ADGRE3: variants seen among roughly 807,000 people sequenced by gnomAD.
ADGRE3 encodes EGF-like module receptor 3.
In ADGRE3, 88 loss-of-function variants were observed where a neutral mutation model predicts 80.1. The ratio of observed to expected loss-of-function variants is 1.10; its 90% CI spans 0.93 to 1.31. The LOEUF (loss-of-function observed/expected upper bound fraction) is 1.31. ADGRE3 is among the 40% of genes most tolerant of loss of function. The pLI, the probability that ADGRE3 is intolerant of heterozygous loss-of-function variation, is 0.00. For missense variants in ADGRE3, 715 were observed against 776.5 expected (o/e 0.92, Z 0.94); for synonymous variants, 281 against 294.8 (o/e 0.95, Z 0.48).
chr19:14,636,106 CTT>C (rs1236326861), intron 11 of ADGRE3, among the ~76,000 whole-genome samples: 7 of 36,584 alleles, frequency 1.9e-4, no homozygotes, highest in African/African-American at 6.8e-4. Context: ...TTCTTTCTTT[CTT>C]TCTTTCTTTC....
rs139866211 is a variant in ADGRE3 at position 14,627,233 on chromosome 19, G to A, written c.1813-1634C>T. Among the ~76,000 whole-genome samples, 16 of 152,144 alleles carry A rather than the reference G, an allele frequency of 1.1e-4. No homozygotes were observed. The East Asian group carries it at 2.9e-3, about 27-fold the overall frequency. ...TTCCCCAGACATTGCTAACTGTCCC[G>A]TGGTGGGAACACAATTGCTCCTGGT... is the stretch of plus-strand genomic sequence containing the variant. On this transcript the variant is annotated intron_variant, in intron 14 of 15. Transcript: ENST00000253673.
At chr19:14,650,327 T>G (rs1971554927) in intron 7 of ADGRE3, among the ~76,000 whole-genome samples, 1 of 146,498 alleles carries the variant, frequency 6.8e-6, no homozygotes, top group Non-Finnish European at 1.5e-5. Context: ...TCTTTCTCTT[T>G]CCATCTCTTT....
At chr19:14,653,221 G>A (rs977749355) in intron 6 of ADGRE3, among the ~76,000 whole-genome samples, 1 of 151,756 alleles carries the variant, frequency 6.6e-6, no homozygotes, top group Non-Finnish European at 1.5e-5. Context: ...CAAGTGATCC[G>A]CCTGCCTTAG....
chr19:14,641,116 T>C (rs1971235072), intron 10 of ADGRE3, among the ~76,000 whole-genome samples: 1 of 152,156 alleles, frequency 6.6e-6, no homozygotes, highest in Non-Finnish European at 1.5e-5. Flanking sequence ...CTTCAAAAAT[T>C]CATCATTCTT....
At chr19:14,657,678 C>G (rs1450930858) in intron 5 of ADGRE3, among the ~76,000 whole-genome samples, 2 of 151,862 alleles carry the variant, frequency 1.3e-5, no homozygotes, top group Non-Finnish European at 2.9e-5. Context: ...GGAACTCACT[C>G]ATGAAAAGTC....
chr19:14,609,447 G>C, the ADGRE3 span, among the ~76,000 whole-genome samples: 2 of 152,148 alleles, frequency 1.3e-5, no homozygotes, highest in Non-Finnish European at 2.9e-5. Flanking sequence ...CTTTAAGCAA[G>C]AGCCCACATG....
At chr19:14,609,224 C>G in the ADGRE3 span, among the ~76,000 whole-genome samples, 1 of 152,140 alleles carries the variant, frequency 6.6e-6, no homozygotes, top group Non-Finnish European at 1.5e-5. Context: ...CGGTGACAGC[C>G]TAAGAGAAGC....
chr19:14,660,317 C>G (rs1484387515), intron 4 of ADGRE3, among the ~76,000 whole-genome samples: 2 of 152,116 alleles, frequency 1.3e-5, no homozygotes, highest in Non-Finnish European at 2.9e-5. Flanking sequence ...AATAGAGGTG[C>G]GCATTGCTTA....
At chr19:14,651,873 C>A (rs749929095) in intron 6 of ADGRE3, among the ~76,000 whole-genome samples, 26 of 151,830 alleles carry the variant, frequency 1.7e-4, no homozygotes, top group Non-Finnish European at 3.4e-4. Context: ...GAAACCCCAT[C>A]CCTACTAAAA....
At chr19:14,655,217 C>A in intron 5 of ADGRE3, 52 bp from the exon 6 acceptor site, 1 of 1,508,060 alleles carries the variant, frequency 6.6e-7, no homozygotes, top group Non-Finnish European at 9.0e-7. Context: ...CTGGTAAGTC[C>A]CATATCCAAA....
At chr19:14,653,047 C>G (rs1467724089) in intron 6 of ADGRE3, among the ~76,000 whole-genome samples, 1 of 151,318 alleles carries the variant, frequency 6.6e-6, no homozygotes, top group Non-Finnish European at 1.5e-5. Flanking sequence ...CAGTGGCTTG[C>G]TCTCAGCTAA....
chr19:14,664,331 G>T (rs997150543), intron 2 of ADGRE3, among the ~76,000 whole-genome samples: 1 of 152,168 alleles, frequency 6.6e-6, no homozygotes, highest in South Asian at 2.1e-4. Context: ...CAGCTACTCA[G>T]GGGGCTGAGG....
At chr19:14,655,318 T>C (rs545043944) in intron 5 of ADGRE3, among the ~76,000 whole-genome samples, 153 bp from the exon 6 acceptor site, 15 of 152,306 alleles carry the variant, frequency 9.8e-5, no homozygotes, top group Admixed American at 9.8e-4. Flanking sequence ...CTTTGTGACC[T>C]TGGGCAAGTC....
At chr19:14,608,295 T>C in the ADGRE3 span, among the ~76,000 whole-genome samples, 1 of 152,182 alleles carries the variant, frequency 6.6e-6, no homozygotes, top group African/African-American at 2.4e-5. Context: ...AAAGGATTTG[T>C]CATTGGCAAA....
intron 6 of ADGRE3, among the ~76,000 whole-genome samples, chr19:14,654,072 C>T (rs1971680557): frequency 6.6e-6 from 1 of 151,730 alleles, no homozygotes; most frequent in Non-Finnish European, 1.5e-5. Flanking sequence ...CCCACCTCAG[C>T]CTCTGGAGTA....
At chr19:14,633,721 A>G (rs1176797269) in intron 11 of ADGRE3, among the ~76,000 whole-genome samples, 1 of 147,314 alleles carries the variant, frequency 6.8e-6, no homozygotes, top group Non-Finnish European at 1.5e-5. Context: ...AATAAAATAA[A>G]ATAAAATAAA....
At chr19:14,620,579 T>A (rs1308588796) in intron 15 of ADGRE3, among the ~76,000 whole-genome samples, 1,392 of 25,946 alleles carry the variant, frequency 0.054, 222 homozygotes, top group Non-Finnish European at 0.078. Context: ...TTTTTTTTTT[T>A]TTTTTTTTTT....
At position 14,638,281 on chromosome 19, in the gene ADGRE3, C is replaced by T; in HGVS notation, c.1308G>A (p.Trp436Ter). 6.2e-7 allele frequency: 1 copy of T among 1,614,112 alleles called. No individual in the cohort carries two copies. Among genetic ancestry groups the T allele is most frequent in the Non-Finnish European group, 8.5e-7 (1 of 1,180,012 alleles). ...LHYLYLAAFTWMLLEGVHLFL... is the reference protein window; with the variant it reads ...LHYLYLAAFT ...AGAGGTGCACACCCTCCAGCAGCAT[C>T]CAGGTGAAGGCGGCCAGGTAGAGAT... Residue 436 changes from tryptophan (W) to a stop codon, truncating the protein, a stop_gained, in exon 11 of 16, where the codon TGG becomes TGA. Transcript: ENST00000253673. LOFTEE classifies it high-confidence loss of function.
chr19:14,611,184 C>CT, the ADGRE3 span: 2 of 151,934 alleles, frequency 1.3e-5, no homozygotes, highest in South Asian at 2.1e-4. Flanking sequence ...AGGAGAGCTT[C>CT]TATATTCACC....
Sources: allele counts gnomAD v4.1 joint callset (sites outside exome capture counted in the v4.1 genomes callset), GRCh38; gene constraint gnomAD v4.1.1; transcripts MANE v1.5; gene names NCBI Gene and HGNC (gene_info 2026-07-23, HGNC 2026-07-21).